Variants in TCF25 observed in about 807,000 individuals in gnomAD.
The protein encoded by TCF25 is ribosome quality control complex subunit TCF25.
Under a neutral mutation model 83.1 loss-of-function variants are expected in TCF25, and 41 were observed. The ratio of observed to expected loss-of-function variants is 0.49; its 90% CI spans 0.38 to 0.64. TCF25 has a LOEUF of 0.64. TCF25 is among the 30% of genes least tolerant of loss of function. TCF25 has a pLI of 0.00. For missense variants in TCF25, 979 were observed against 914.5 expected, an observed-to-expected ratio of 1.07 and a Z score of -0.91; for synonymous variants, 458 against 365.0, an observed-to-expected ratio of 1.25 and a Z score of -2.90.
At chr16:89,908,852 T>C in intron 16 of TCF25, 1 of 1,162,470 alleles carries the variant, frequency 8.6e-7, no homozygotes, top group Non-Finnish European at 1.1e-6. Flanking sequence ...AGCTCCCAGC[T>C]CTCTCCTGCA....
chr16:89,898,596 G>C lies in TCF25; in HGVS notation c.1062G>C (p.Leu354=). 6.2e-7 allele frequency: 1 copy of C among 1,609,820 alleles called. No homozygotes were observed. The highest frequency in any genetic ancestry group is 1.7e-5 in the Admixed American group (1 of 59,852). The change falls in exon 10 of 18, where the codon CTG becomes CTC. Residue 354 remains leucine, a synonymous_variant. Coordinates refer to ENST00000263346, the MANE Select transcript of TCF25 (RefSeq NM_014972.3). The part of the protein sequence containing the change: ...YLALYKQMSF[L]EKRGCPRTAL... ...CCCTCTACAAGCAGATGAGCTTCCT[G>C]GAGAAGCGAGGCTGCCCGCGCACGG...
chr16:89,907,367 TCCTC>T, intron 16 of TCF25, 45 bp downstream of exon 16: 1 of 1,115,790 alleles, frequency 9.0e-7, no homozygotes, highest in Non-Finnish European at 1.2e-6. Context: ...CCCACCTCCC[TCCTC>T]CCAGTTCCCA....
intron 2 of TCF25, chr16:89,884,156 T>TGGGGGCTTCCTGA (rs1159269741): frequency 5.2e-6 from 1 of 192,120 alleles, no homozygotes; most frequent in Non-Finnish European, 1.1e-5. Context: ...CTCAGGGTCC[T>TGGGGGCTTCCTGA]GGGGGCTTCC....
intron 5 of TCF25, among the ~76,000 whole-genome samples, chr16:89,891,629 C>T (rs559920649): frequency 6.6e-6 from 1 of 152,204 alleles, no homozygotes; most frequent in African/African-American, 2.4e-5. Flanking sequence ...CTGAGCTGGG[C>T]AGGTGGGGCA....
chr16:89,876,039 TTGG>T (rs1334866214), intron 1 of TCF25, among the ~76,000 whole-genome samples: 1 of 152,006 alleles, frequency 6.6e-6, no homozygotes, highest in East Asian at 1.9e-4. Flanking sequence ...TATATTTGTG[TTGG>T]TGGGAATTTG....
chr16:89,895,939 G>C, intron 8 of TCF25, 51 bp from the exon 9 acceptor site: 1 of 1,524,844 alleles, frequency 6.6e-7, no homozygotes, highest in Non-Finnish European at 9.1e-7. Context: ...GAGGGGCCGT[G>C]GTTGCTGTGT....
intron 12 of TCF25, among the ~76,000 whole-genome samples, chr16:89,903,870 T>C (rs2044552114): frequency 6.6e-6 from 1 of 151,884 alleles, no homozygotes; most frequent in Non-Finnish European, 1.5e-5. Context: ...TTCCCTTGGA[T>C]GCAAATGGGG....
At chr16:89,883,633 C>T in intron 2 of TCF25, 121 bp downstream of exon 2, 4 of 1,231,170 alleles carry the variant, frequency 3.2e-6, no homozygotes, top group Non-Finnish European at 4.4e-6. Context: ...ATTTTGGTTA[C>T]CTGCTAGTTG....
chr16:89,886,244 G>T, intron 4 of TCF25: 1 of 386,534 alleles, frequency 2.6e-6, no homozygotes, highest in Non-Finnish European at 5.0e-6. Context: ...TGGCTAACAT[G>T]GTGAAACCCC....
chr16:89,898,622 C>T lies in TCF25; in HGVS notation c.1088C>T (p.Ala363Val), dbSNP rs776257664. The stretch of plus-strand genomic sequence containing the variant: ...GAGAAGCGAGGCTGCCCGCGCACGG[C>T]GCTGGAGTACTGCAAGCTCATCCTG... Reference protein sequence around the residue: ...FLEKRGCPRTALEYCKLILSL... With the variant: ...FLEKRGCPRTVLEYCKLILSL... Residue 363 changes from alanine to valine, a missense_variant, in exon 10 of 18, where the codon GCG becomes GTG. Physicochemically the swap from Ala to Val is moderately conservative, Grantham distance 64. Transcript: ENST00000263346. 4 of 1,612,838 alleles carry T rather than the reference C, an allele frequency of 2.5e-6. No individual in the cohort carries two copies. Among genetic ancestry groups the T allele is most frequent in the South Asian group, 2.2e-5 (2 of 91,088 alleles).
At chr16:89,891,750 T>C (rs1597322841) in intron 5 of TCF25, among the ~76,000 whole-genome samples, 3 of 152,206 alleles carry the variant, frequency 2.0e-5, no homozygotes, top group Admixed American at 6.5e-5. Flanking sequence ...GTTTTCTTTT[T>C]TTATTTTCCT....
intron 1 of TCF25, 89 bp from the exon 2 acceptor site, chr16:89,883,262 A>G (rs2042742423): frequency 1.3e-6 from 2 of 1,538,650 alleles, no homozygotes; most frequent in Non-Finnish European, 1.8e-6. Context: ...TCCCCAACGC[A>G]AGCCCGTTCA....
Position 89,883,856 on chromosome 16 carries a change from A to AGCCG in TCF25, c.354+344_354+345insGCCG. Reference sequence around the variant, plus strand: ...CCGACCGCGCACGTGTGTCCTTCCTAACTGTGCCCCGAACGTTTGCTTGGC... The same window carrying AGCCG: ...CCGACCGCGCACGTGTGTCCTTCCTAGCCGACTGTGCCCCGAACGTTTGCTTGGC... On this transcript the variant is annotated intron_variant, in intron 2 of 17. Transcript: ENST00000263346. The AGCCG allele has an allele frequency of 3.0e-5, 7 of 237,190 alleles. No homozygotes were observed. In the East Asian group the frequency reaches 4.5e-4, roughly 15 times the overall value. 14.7% of individuals were successfully genotyped at this position (237,190 alleles called of 1,614,324 possible). A position where few individuals can be genotyped will look rare whatever the true frequency, so the allele number is the denominator to read the frequency against.
At chr16:89,876,572 CCT>C (rs1468608261) in intron 1 of TCF25, among the ~76,000 whole-genome samples, 1 of 152,126 alleles carries the variant, frequency 6.6e-6, no homozygotes, top group African/African-American at 2.4e-5. Flanking sequence ...GGGCAGATCA[CCT>C]GAGGTCAGGA....
intron 1 of TCF25, among the ~76,000 whole-genome samples, chr16:89,881,970 G>C (rs1315466785): frequency 6.6e-6 from 1 of 151,912 alleles, no homozygotes; most frequent in Non-Finnish European, 1.5e-5. Context: ...GGTCAGGCTG[G>C]TCTTGAATTG....
At chr16:89,891,580 CAG>C (rs969768452) in intron 5 of TCF25, among the ~76,000 whole-genome samples, 7 of 152,156 alleles carry the variant, frequency 4.6e-5, no homozygotes, top group Non-Finnish European at 7.3e-5. Flanking sequence ...GTCTCTGCCA[CAG>C]GGGTCAGGCC....
chr16:89,874,097 G>C (rs1389597691), intron 1 of TCF25, among the ~76,000 whole-genome samples: 1 of 151,676 alleles, frequency 6.6e-6, no homozygotes, highest in African/African-American at 2.4e-5. Context: ...ACCCCGGTGA[G>C]GTGGGCGGGG....
intron 6 of TCF25, among the ~76,000 whole-genome samples, chr16:89,892,558 G>A (rs1171507813): frequency 2.0e-5 from 3 of 152,180 alleles, no homozygotes; most frequent in Admixed American, 6.5e-5. Context: ...ACCTCAACAC[G>A]GAGCCTCCCA....
chr16:89,874,577 TTGC>T (rs2042028088), intron 1 of TCF25: 1 of 152,414 alleles, frequency 6.6e-6, no homozygotes, highest in Non-Finnish European at 1.5e-5. Context: ...GTCTTACTCT[TTGC>T]TGCATCTCCG....
Sources: allele counts gnomAD v4.1 joint callset (sites outside exome capture counted in the v4.1 genomes callset), GRCh38; gene constraint gnomAD v4.1.1; transcripts MANE v1.5; gene names NCBI Gene and HGNC (gene_info 2026-07-23, HGNC 2026-07-21).